MTHFD2: variants seen among roughly 807,000 people sequenced by gnomAD.
MTHFD2 encodes the protein methylenetetrahydrofolate dehydrogenase (NADP+ dependent) 2, methenyltetrahydrofolate cyclohydrolase.
A neutral mutation model predicts 36.8 loss-of-function variants in MTHFD2; 26 were observed. The ratio of observed to expected loss-of-function variants is 0.71; its 90% confidence interval spans 0.52 to 0.98. MTHFD2 has a LOEUF of 0.98. Ranked by LOEUF, MTHFD2 falls within the 50% of genes least tolerant of loss-of-function variation. The pLI, the probability that MTHFD2 is intolerant of heterozygous loss-of-function variation, is 0.00. For missense variants in MTHFD2, 373 were observed against 434.0 expected (o/e 0.86, Z 1.25); for synonymous variants, 164 against 155.2 (o/e 1.06, Z -0.42).
In MTHFD2 at chr2:74,216,149, T is replaced by C. The variant is rs552569797; in HGVS notation, c.*1907T>C. ...TAGTTCTCTGGAGTTTAAAGAAGTT[T>C]AGATAGTTTGCTGGAGATGTTTTTG... On this transcript the variant is annotated 3_prime_UTR_variant, in exon 8 of 8. Coordinates refer to ENST00000394053, the MANE Select transcript of MTHFD2 (RefSeq NM_006636.4). 6.6e-6 allele frequency: 1 copy of C among 152,342 alleles called. No individual in the cohort carries two copies. The highest frequency in any genetic ancestry group is 2.4e-5 in the African/African-American group (1 of 41,576). 9.4% of individuals were successfully genotyped at this position (152,342 alleles called of 1,614,324 possible).
chr2:74,200,658 G>A (rs1694022134), intron 1 of MTHFD2, among the ~76,000 whole-genome samples: 1 of 151,962 alleles, frequency 6.6e-6, no homozygotes, highest in African/African-American at 2.4e-5. Flanking sequence ...GACTTTAGAG[G>A]CAGAAGTTTG....
At chr2:74,213,107 T>A (rs1296108401) in intron 7 of MTHFD2, among the ~76,000 whole-genome samples, 1 of 151,966 alleles carries the variant, frequency 6.6e-6, no homozygotes, top group Non-Finnish European at 1.5e-5. Context: ...TTTGGCTGTG[T>A]TGGCCAGGTT....
intron 4 of MTHFD2, among the ~76,000 whole-genome samples, chr2:74,209,468 G>C (rs1694257409): frequency 6.6e-6 from 1 of 151,730 alleles, no homozygotes; most frequent in African/African-American, 2.4e-5. Flanking sequence ...AGCCAGGATG[G>C]TCTTGATCTC....
At chr2:74,203,154 T>A (rs1694080755) in intron 1 of MTHFD2, among the ~76,000 whole-genome samples, 1 of 151,968 alleles carries the variant, frequency 6.6e-6, no homozygotes, top group Non-Finnish European at 1.5e-5. Flanking sequence ...TACAGGGTCC[T>A]GCCACCATGC....
rs149756152 is a variant in MTHFD2, at chr2:74,201,011, G to A, written c.101+2269G>A. On this transcript the variant is annotated intron_variant, in intron 1 of 7. Coordinates refer to ENST00000394053, the MANE Select transcript of MTHFD2 (RefSeq NM_006636.4). ...TGAATTTTATTTTATTTTTTGAGAC[G>A]GAGTCTTACTTTGTTGCCCAGGCTG... Among the ~76,000 whole-genome samples, 544 of 152,120 alleles carry A rather than the reference G, an allele frequency of 3.6e-3. 4 individuals carry two copies. Among genetic ancestry groups the A allele is most frequent in the African/African-American group, 0.012 (508 of 41,502 alleles).
chr2:74,209,283 C>G (rs930036554), intron 4 of MTHFD2, among the ~76,000 whole-genome samples: 4 of 151,666 alleles, frequency 2.6e-5, no homozygotes, highest in Admixed American at 1.3e-4. Context: ...TGCTCTGTTG[C>G]CCAGGCTGGA....
At chr2:74,207,230 G>A (rs745953138) in intron 2 of MTHFD2, among the ~76,000 whole-genome samples, 1 of 152,202 alleles carries the variant, frequency 6.6e-6, no homozygotes, top group African/African-American at 2.4e-5. Flanking sequence ...CCAGGTTCAA[G>A]CGATTCTCCT....
chr2:74,211,808 T>C lies in MTHFD2; in HGVS notation c.831T>C (p.Asn277=), dbSNP rs768927676. 7.4e-6 allele frequency: 12 copies of C among 1,611,784 alleles called. No homozygotes were observed. The Admixed American group carries it at 1.0e-4, about 13-fold the overall frequency. The change falls in exon 7 of 8, where the codon AAT becomes AAC. Residue 277 remains asparagine, a synonymous_variant. Coordinates refer to ENST00000394053, the MANE Select transcript of MTHFD2 (RefSeq NM_006636.4). ...CAGCAGTCATTGATGTGGGAATAAA[T>C]AGAGTTCACGATCCTGTAACTGCCA... ...EGAAVIDVGI[N]RVHDPVTAKP... is the part of the protein sequence containing the mutation.
intron 1 of MTHFD2, among the ~76,000 whole-genome samples, chr2:74,198,962 C>T (rs1351163653): frequency 6.6e-6 from 1 of 152,182 alleles, no homozygotes; most frequent in Non-Finnish European, 1.5e-5. Flanking sequence ...TACCCGAAGC[C>T]CGCCTTTCGG....
intron 6 of MTHFD2, chr2:74,211,537 G>T: frequency 2.0e-6 from 1 of 499,260 alleles, no homozygotes; most frequent in South Asian, 4.7e-5. Context: ...ACTGTATAAA[G>T]TTTAAATGGT....
chr2:74,211,914 C>G, intron 7 of MTHFD2, 48 bp downstream of exon 7: 1 of 1,313,278 alleles, frequency 7.6e-7, no homozygotes, highest in East Asian at 2.6e-5. Context: ...TAAATACTAC[C>G]TTTCATGGAC....
chr2:74,205,119 G>T (rs545405297), intron 1 of MTHFD2, among the ~76,000 whole-genome samples: 2 of 152,134 alleles, frequency 1.3e-5, no homozygotes, highest in East Asian at 3.9e-4. Flanking sequence ...CATCGTGCCC[G>T]GCCTATATTG....
At chr2:74,200,323 C>T (rs1694014973) in intron 1 of MTHFD2, among the ~76,000 whole-genome samples, 1 of 152,182 alleles carries the variant, frequency 6.6e-6, no homozygotes, top group Admixed American at 6.5e-5. Context: ...AGTTTGTCTA[C>T]ACTCTCCAAT....
chr2:74,203,918 T>C (rs564552923), intron 1 of MTHFD2, among the ~76,000 whole-genome samples: 11 of 121,606 alleles, frequency 9.0e-5, no homozygotes, highest in African/African-American at 2.6e-4. Flanking sequence ...TAGTTTAGTT[T>C]AGTTTAGTTT....
At chr2:74,206,161 ACC>A in intron 2 of MTHFD2, 1 of 277,584 alleles carries the variant, frequency 3.6e-6, no homozygotes, top group South Asian at 6.4e-5. Context: ...TTGATAGGTG[ACC>A]CTGAATGCAT....
At chr2:74,210,765 T>C (rs1002035909) in intron 5 of MTHFD2, among the ~76,000 whole-genome samples, 1 of 150,580 alleles carries the variant, frequency 6.6e-6, no homozygotes, top group Non-Finnish European at 1.5e-5. Context: ...TCAGAAAACA[T>C]GGCACAAGCC....
In MTHFD2 at chr2:74,215,229, T is replaced by G. The variant is rs1694409418; in HGVS notation, c.*987T>G. ...GAGTTACTATTGAATTTAATCAGACTTTCTGATTAAAGGGTTTTCTTTCTT... is the reference window on the plus strand; with the variant it reads ...GAGTTACTATTGAATTTAATCAGACGTTCTGATTAAAGGGTTTTCTTTCTT... On this transcript the variant is annotated 3_prime_UTR_variant, in exon 8 of 8. Transcript: ENST00000394053. 2 of 152,706 alleles carry G rather than the reference T, an allele frequency of 1.3e-5. No individual in the cohort carries two copies. Among genetic ancestry groups the G allele is most frequent in the South Asian group, 4.1e-4 (2 of 4,828 alleles). 9.5% of individuals were successfully genotyped at this position (152,706 alleles called of 1,614,324 possible).
intron 1 of MTHFD2, among the ~76,000 whole-genome samples, chr2:74,205,284 A>G: frequency 6.6e-6 from 1 of 152,228 alleles, no homozygotes. Flanking sequence ...AAGAAAAACT[A>G]TTTAACCTCA....
intron 7 of MTHFD2, among the ~76,000 whole-genome samples, chr2:74,213,390 C>T (rs1419391101): frequency 6.8e-6 from 1 of 147,534 alleles, no homozygotes; most frequent in Non-Finnish European, 1.5e-5. Context: ...AATTCTCCTG[C>T]CTCAGCTTCC....
Sources: allele counts gnomAD v4.1 joint callset (sites outside exome capture counted in the v4.1 genomes callset), GRCh38; gene constraint gnomAD v4.1.1; transcripts MANE v1.5; gene names NCBI Gene and HGNC (gene_info 2026-07-23, HGNC 2026-07-21).